SEC24D: variants seen among roughly 807,000 people sequenced by gnomAD.
SEC24D encodes protein transport protein Sec24D.
In SEC24D, 69 loss-of-function variants were observed where a neutral mutation model predicts 116.9. The observed-to-expected ratio is 0.59, with a 90% CI of 0.49 to 0.72. The LOEUF (loss-of-function observed/expected upper bound fraction) is 0.72. SEC24D is among the 30% of genes least tolerant of loss of function. The pLI, the probability that SEC24D is intolerant of heterozygous loss-of-function variation, is 0.00. For synonymous variants in SEC24D, 405 were observed against 442.8 expected, an observed-to-expected ratio of 0.91 and a Z score of 1.07; for missense variants, 1,131 against 1,264.1, an observed-to-expected ratio of 0.89 and a Z score of 1.60.
At chr4:118,760,998 T>C (rs1727354249) in intron 10 of SEC24D, among the ~76,000 whole-genome samples, 1 of 152,114 alleles carries the variant, frequency 6.6e-6, no homozygotes, top group Non-Finnish European at 1.5e-5. Flanking sequence ...ATTACAGGCA[T>C]GAGCCACCGC....
chr4:118,791,868 TCGCTACAACCTCCACCTCCCAGGCG>T (rs1297447340), intron 8 of SEC24D, among the ~76,000 whole-genome samples: 1 of 152,160 alleles, frequency 6.6e-6, no homozygotes, highest in Non-Finnish European at 1.5e-5. Flanking sequence ...TGATCTTGGC[TCGCTACAACCTCCACCTCCCAGGCG>T]CCTGCCCTGG....
chr4:118,829,186 T>C (rs942139116), intron 2 of SEC24D, among the ~76,000 whole-genome samples: 4 of 152,254 alleles, frequency 2.6e-5, no homozygotes, highest in Admixed American at 2.6e-4. Flanking sequence ...TTAAGTGTCA[T>C]ATTACCACAA....
At chr4:118,766,960 G>GCTTTGGGAGGCCGAGGC (rs1553925154) in intron 9 of SEC24D, 1 of 152,208 alleles carries the variant, frequency 6.6e-6, no homozygotes, top group Non-Finnish European at 1.5e-5. Flanking sequence ...GAGAAGTGAG[G>GCTTTGGGAGGCCGAGGC]GTAGAGAACT....
At chr4:118,827,012 C>A (rs2110538394) in intron 2 of SEC24D, among the ~76,000 whole-genome samples, 1 of 152,230 alleles carries the variant, frequency 6.6e-6, no homozygotes, top group East Asian at 1.9e-4. Flanking sequence ...GAGAAGAGTT[C>A]AAAGAAGGAG....
In SEC24D at chr4:118,797,663, C is replaced by T; in HGVS notation, c.1041+20G>A. On this transcript the variant is annotated intron_variant, in intron 8 of 22. Coordinates refer to ENST00000280551, the MANE Select transcript of SEC24D (RefSeq NM_014822.4). ...TTGGAATTGATAAATTATTGAATTG[C>T]TATTATATATCATTCTTACCTCATT... 1.3e-6 allele frequency: 2 copies of T among 1,523,088 alleles called. No homozygotes were observed. The highest frequency in any genetic ancestry group is 1.8e-6 in the Non-Finnish European group (2 of 1,124,096). The allele number at this position is 1,523,088 out of a possible 1,614,324, so 94.3% of individuals were successfully genotyped here.
In SEC24D at chr4:118,723,386, T is replaced by A; in HGVS notation, c.*129A>T. The A allele has an allele frequency of 1.1e-6, 1 of 933,558 alleles. No individual in the cohort carries two copies. Among genetic ancestry groups the A allele is most frequent in the Non-Finnish European group, 1.6e-6 (1 of 630,600 alleles). The allele number at this position is 933,558 out of a possible 1,614,324, so 57.8% of individuals were successfully genotyped here. A position where few individuals can be genotyped will look rare whatever the true frequency, so the allele number is the denominator to read the frequency against. ...ACCAAAGCTGAAGTTCTAAATGCCA[T>A]CTCTTCCTGGAAAGTTATTCTGAAA... On this transcript the variant is annotated 3_prime_UTR_variant, in exon 23 of 23. Transcript: ENST00000280551.
At chr4:118,824,975 T>G (rs1375865738) in intron 2 of SEC24D, among the ~76,000 whole-genome samples, 1 of 152,192 alleles carries the variant, frequency 6.6e-6, no homozygotes, top group Non-Finnish European at 1.5e-5. Context: ...GGGAATCATT[T>G]TATCACTAAA....
At chr4:118,767,603 A>G (rs115916994) in intron 9 of SEC24D, among the ~76,000 whole-genome samples, 6,097 of 152,358 alleles carry the variant, frequency 0.04, 179 homozygotes, top group Non-Finnish European at 0.063. Context: ...GCAACTTAGC[A>G]GTTTTCTTCA....
At chr4:118,796,558 T>C (rs10518324) in intron 8 of SEC24D, among the ~76,000 whole-genome samples, 40,113 of 152,118 alleles carry the variant, frequency 0.26, 6,437 homozygotes, top group East Asian at 0.45. Flanking sequence ...ATTACATTCA[T>C]AAGGACAGTG....
At chr4:118,749,749 G>A (rs2110453383) in intron 13 of SEC24D, among the ~76,000 whole-genome samples, 1 of 152,246 alleles carries the variant, frequency 6.6e-6, no homozygotes, top group Middle Eastern at 3.4e-3. Context: ...AGCAGCCTAG[G>A]GGCAGGGACA....
At chr4:118,812,618 A>G (rs1007858549) in intron 6 of SEC24D, among the ~76,000 whole-genome samples, 26 of 151,950 alleles carry the variant, frequency 1.7e-4, no homozygotes, top group African/African-American at 6.0e-4. Context: ...TCGGAGACCC[A>G]GGGCCACTGA....
At chr4:118,835,710 G>T (rs1469279697) in intron 1 of SEC24D, among the ~76,000 whole-genome samples, 1 of 152,222 alleles carries the variant, frequency 6.6e-6, no homozygotes, top group Admixed American at 6.5e-5. Context: ...GCAAAAGGTG[G>T]GGGCGGGTAA....
intron 7 of SEC24D, among the ~76,000 whole-genome samples, 161 bp downstream of exon 7, chr4:118,805,682 T>A (rs535889730): frequency 6.6e-6 from 1 of 152,342 alleles, no homozygotes; most frequent in African/African-American, 2.4e-5. Flanking sequence ...ATTCAGTTGA[T>A]AGCATCCTCT....
intron 10 of SEC24D, 23 bp from the exon 11 acceptor site, chr4:118,757,868 CATAA>C (rs1727186895): frequency 1.9e-6 from 3 of 1,581,444 alleles, no homozygotes; most frequent in Admixed American, 1.9e-5. Flanking sequence ...AAACACATCA[CATAA>C]ATAAAGTAAA....
At position 118,801,657 on chromosome 4, in the gene SEC24D, C is replaced by A. The variant is rs1299757235; in HGVS notation, c.914-3847G>T. Among the ~76,000 whole-genome samples the A allele has an allele frequency of 2.6e-5, 4 of 151,778 alleles. No homozygotes were observed. In the East Asian group the frequency reaches 7.7e-4, roughly 29 times the overall value. On this transcript the variant is annotated intron_variant, in intron 7 of 22. Coordinates refer to ENST00000280551, the MANE Select transcript of SEC24D (RefSeq NM_014822.4). ...ACTCAATTATACTCGTTAAAATTAC[C>A]AATAAAATATTGAAGCTGGATATTT... is the stretch of plus-strand genomic sequence containing the variant.
intron 7 of SEC24D, among the ~76,000 whole-genome samples, chr4:118,800,911 T>G (rs2110509247): frequency 6.6e-6 from 1 of 152,170 alleles, no homozygotes; most frequent in Non-Finnish European, 1.5e-5. Flanking sequence ...GAATGCTGGA[T>G]GAGGAGTTGA....
intron 8 of SEC24D, among the ~76,000 whole-genome samples, chr4:118,792,199 G>T (rs965902919): frequency 1.3e-5 from 2 of 151,070 alleles, no homozygotes; most frequent in African/African-American, 4.9e-5. Flanking sequence ...GAGGTGAGGA[G>T]CGTCTCTGAC....
At chr4:118,755,675 A>G (rs1304248511) in intron 11 of SEC24D, among the ~76,000 whole-genome samples, 1 of 152,180 alleles carries the variant, frequency 6.6e-6, no homozygotes, top group Non-Finnish European at 1.5e-5. Flanking sequence ...ATGTTAATCA[A>G]GACTTCAGAC....
chr4:118,739,225 T>G lies in SEC24D; in HGVS notation c.2301A>C (p.Leu767Phe). The change falls in exon 18 of 23, where the codon TTA (leucine) becomes TTC (phenylalanine). Residue 767 changes from leucine to phenylalanine, a missense_variant. Physicochemically the swap from Leu to Phe is conservative, Grantham distance 22 (BLOSUM62 0). Transcript: ENST00000280551. ...GATCAGCTAGCTGAGAGCTGCAGTT[T>G]AAGCCAAGATTGTGAATCCGAAGTC... ...QRRLRIHNLG[L>F]NCSSQLADLY... 6.2e-7 allele frequency: 1 copy of G among 1,613,702 alleles called. No individual in the cohort carries two copies. The highest frequency in any genetic ancestry group is 8.5e-7 in the Non-Finnish European group (1 of 1,179,646).
Sources: gnomAD v4.1 joint callset for allele counts (sites outside exome capture counted in the v4.1 genomes callset) on GRCh38, gnomAD v4.1.1 for gene constraint, MANE v1.5 for transcripts, NCBI Gene and HGNC (gene_info 2026-07-23, HGNC 2026-07-21) for gene names.